Variants in BAZ2A observed in about 807,000 individuals in gnomAD.
The protein encoded by BAZ2A is bromodomain adjacent to zinc finger domain 2A.
A neutral mutation model predicts 199.9 loss-of-function variants in BAZ2A; 34 were observed. The ratio of observed to expected loss-of-function variants is 0.17; its 90% CI spans 0.13 to 0.23. The LOEUF (loss-of-function observed/expected upper bound fraction) is 0.23. BAZ2A is among the 10% of genes least tolerant of loss of function. The pLI is 1.00. For synonymous variants in BAZ2A, 857 were observed against 883.9 expected, an observed-to-expected ratio of 0.97 and a Z score of 0.54; for missense variants, 2,002 against 2,391.1, an observed-to-expected ratio of 0.84 and a Z score of 3.39.
upstream of BAZ2A, among the ~76,000 whole-genome samples, chr12:56,634,252 C>A (rs967846074): frequency 6.6e-6 from 1 of 152,210 alleles, no homozygotes; most frequent in Non-Finnish European, 1.5e-5. Context: ...GCTCCCCACG[C>A]ACTCTCTCCC....
At chr12:56,637,379 T>C (rs1951472961), upstream of BAZ2A, among the ~76,000 whole-genome samples, 1 of 152,242 alleles carries the variant, frequency 6.6e-6, no homozygotes, top group African/African-American at 2.4e-5. Context: ...CCAGCAACTC[T>C]GAAAATTGCT....
rs777227305 is a variant in BAZ2A, at chr12:56,617,356, G to A, written c.136+39C>T. On this transcript the variant is annotated intron_variant, in intron 2 of 28. Transcript: ENST00000549884. ...CATGAATCTGCCCTAAAGGGATGAT[G>A]CCCATTCCCTCCCCAGGCCAAGCAG... The A allele has an allele frequency of 2.6e-6, 4 of 1,548,940 alleles. No individual in the cohort carries two copies. The South Asian group carries it at 4.9e-5, about 19-fold the overall frequency.
intron 4 of BAZ2A, among the ~76,000 whole-genome samples, chr12:56,613,455 C>T (rs1950622773): frequency 6.6e-6 from 1 of 152,104 alleles, no homozygotes; most frequent in South Asian, 2.1e-4. Context: ...AGAAGAATTG[C>T]TTGAGGCCAG....
At position 56,613,035 on chromosome 12, in the gene BAZ2A, A is replaced by G; in HGVS notation, c.1115T>C (p.Leu372Pro). 6.2e-7 allele frequency: 1 copy of G among 1,613,436 alleles called. No homozygotes were observed. Among genetic ancestry groups the G allele is most frequent in the Non-Finnish European group, 8.5e-7 (1 of 1,179,578 alleles). Reference sequence around the variant, plus strand: ...CTTACCTTGCAGGACAGACTCCCCTAGGACAGGTGGAGAGGTGGGACTGGC... The same window carrying G: ...CTTACCTTGCAGGACAGACTCCCCTGGGACAGGTGGAGAGGTGGGACTGGC... ...IFASPTSPPV[L>P]GESVLQDNSF... Residue 372 changes from leucine to proline, a missense_variant, in exon 5 of 29, where the codon CTA (leucine) becomes CCA (proline). This residue lies in a region of BAZ2A where 641 missense variants were observed against 694.5 expected (regional missense o/e 0.92). Coordinates refer to ENST00000549884, the MANE Select transcript of BAZ2A (RefSeq NM_001300905.2).
chr12:56,619,238 G>A (rs1020492377), intron 1 of BAZ2A, among the ~76,000 whole-genome samples: 10 of 151,894 alleles, frequency 6.6e-5, no homozygotes, highest in Admixed American at 3.9e-4. Context: ...CCAGCTGCTC[G>A]GGAGGCTGAG....
At chr12:56,634,781 G>A (rs1173700386), upstream of BAZ2A, among the ~76,000 whole-genome samples, 1 of 152,218 alleles carries the variant, frequency 6.6e-6, no homozygotes, top group African/African-American at 2.4e-5. Flanking sequence ...GCGGAGGACA[G>A]GGGGAAAATG....
intron 10 of BAZ2A, among the ~76,000 whole-genome samples, chr12:56,607,743 A>G (rs1950411392): frequency 6.6e-6 from 1 of 152,164 alleles, no homozygotes; most frequent in Admixed American, 6.5e-5. Flanking sequence ...CAACCCTCTA[A>G]GACAGATATT....
chr12:56,602,512 A>G (rs1338731536), intron 19 of BAZ2A, among the ~76,000 whole-genome samples: 2 of 152,158 alleles, frequency 1.3e-5, no homozygotes, highest in Non-Finnish European at 2.9e-5. Context: ...TTATTATCTC[A>G]ACTTCACAAA....
upstream of BAZ2A, among the ~76,000 whole-genome samples, chr12:56,637,268 C>G (rs1161698827): frequency 6.6e-6 from 1 of 152,218 alleles, no homozygotes. Context: ...TTGCACGCTT[C>G]TTTTAAATTG....
Position 56,620,502 on chromosome 12 carries a change from A to G in BAZ2A, c.-2-2970T>C, listed in dbSNP as rs183148363. Among the ~76,000 whole-genome samples, 274 of 152,152 alleles carry G rather than the reference A, an allele frequency of 1.8e-3. 4 individuals carry two copies. The highest frequency in any genetic ancestry group is 5.4e-4 in the Non-Finnish European group (37 of 67,992). ...GGTGACAGAGCGAAACCCTGTCTCA[A>G]AAAAACAAAACAAAACAAAACAAAC... is the stretch of plus-strand genomic sequence containing the variant. On this transcript the variant is annotated intron_variant, in intron 1 of 28. Transcript: ENST00000549884.
chr12:56,627,592 A>C (rs1279887323), intron 1 of BAZ2A, among the ~76,000 whole-genome samples: 1 of 152,074 alleles, frequency 6.6e-6, no homozygotes, highest in Non-Finnish European at 1.5e-5. Context: ...TGGGAGGCTA[A>C]GGCAGGCAGG....
chr12:56,612,101 G>C lies in BAZ2A; in HGVS notation c.1281C>G (p.Val427=). Reference sequence around the variant, plus strand: ...AGACTGCTGGGGAGGTTGTTGGCGAGACTGCTGGTGAGGTTGCTGGATGTA... The same window carrying C: ...AGACTGCTGGGGAGGTTGTTGGCGACACTGCTGGTGAGGTTGCTGGATGTA... ...IQLHPATSPA[V]SPTTSPAVSL... The change falls in exon 6 of 29, where the codon GTC becomes GTG. Residue 427 remains valine (V), a synonymous_variant. Coordinates refer to ENST00000549884, the MANE Select transcript of BAZ2A (RefSeq NM_001300905.2). 6.2e-7 allele frequency: 1 copy of C among 1,613,888 alleles called. No individual in the cohort carries two copies. The highest frequency in any genetic ancestry group is 2.2e-5 in the East Asian group (1 of 44,882).
At chr12:56,627,948 G>A (rs1175909682) in intron 1 of BAZ2A, among the ~76,000 whole-genome samples, 1 of 151,584 alleles carries the variant, frequency 6.6e-6, no homozygotes, top group Non-Finnish European at 1.5e-5. Context: ...TTGGGAGGCC[G>A]AGGTGGGTAG....
chr12:56,620,812 C>T (rs1033404669), intron 1 of BAZ2A, among the ~76,000 whole-genome samples: 15 of 152,240 alleles, frequency 9.9e-5, no homozygotes, highest in African/African-American at 9.6e-5. Flanking sequence ...CGACCCACCG[C>T]GGCCTCCCAA....
intron 23 of BAZ2A, 33 bp downstream of exon 23, chr12:56,600,648 C>T: frequency 2.5e-6 from 4 of 1,602,964 alleles, no homozygotes; most frequent in Non-Finnish European, 3.4e-6. Context: ...TGCTTTTCCC[C>T]AACCTTCCTA....
exon 1 of BAZ2A, chr12:56,636,277 A>G: frequency 6.5e-7 from 1 of 1,542,612 alleles, no homozygotes. Context: ...GGATCCTCCC[A>G]AACTGTGAGC....
rs1951261237 is a variant in BAZ2A at position 56,630,186 on chromosome 12, C to T, written c.-64G>A. On this transcript the variant is annotated 5_prime_UTR_variant, in exon 1 of 29. It adds an upstream start codon to the 5' untranslated region. Coordinates refer to ENST00000549884, the MANE Select transcript of BAZ2A (RefSeq NM_001300905.2). ...CTCTCCCCGGGGTACAAGCGGTTCA[C>T]ATGGCCGCGCTCCGGGCGCCAGAAC... 1.7e-5 allele frequency: 17 copies of T among 985,626 alleles called. No individual in the cohort carries two copies. Among genetic ancestry groups the T allele is most frequent in the Non-Finnish European group, 2.0e-5 (17 of 830,052 alleles). 61.1% of individuals were successfully genotyped at this position (985,626 alleles called of 1,614,324 possible). A position where few individuals can be genotyped will look rare whatever the true frequency, so the allele number is the denominator to read the frequency against.
intron 23 of BAZ2A, 48 bp from the exon 24 acceptor site, chr12:56,600,538 T>C: frequency 6.3e-7 from 1 of 1,580,620 alleles, no homozygotes; most frequent in Non-Finnish European, 8.6e-7. Context: ...GGAGGAAAAT[T>C]TGGCATAGGA....
At chr12:56,604,094 C>G in intron 16 of BAZ2A, 123 bp downstream of exon 16, 1 of 887,990 alleles carries the variant, frequency 1.1e-6, no homozygotes, top group Non-Finnish European at 1.8e-6. Context: ...CATCCTGGGC[C>G]CTGGTAAGGT....
Sources: allele counts gnomAD v4.1 joint callset (sites outside exome capture counted in the v4.1 genomes callset), GRCh38; gene constraint gnomAD v4.1.1; regional missense constraint gnomAD v4.1.1; transcripts MANE v1.5; gene names NCBI Gene and HGNC (gene_info 2026-07-23, HGNC 2026-07-21).